BCAS3: variants seen among roughly 807,000 people sequenced by gnomAD.
BCAS3 encodes the protein BCAS4/BCAS3 fusion.
Under a neutral mutation model 116.1 loss-of-function variants are expected in BCAS3, and 53 were observed. The ratio of observed to expected loss-of-function variants is 0.46; its 90% CI spans 0.37 to 0.57. The LOEUF (loss-of-function observed/expected upper bound fraction) is 0.57, where lower values mean the gene tolerates loss of function less well. Among genes scored for constraint, BCAS3 ranks in the 20% least tolerant of loss-of-function variants. The pLI is 0.00. For missense variants in BCAS3, 917 were observed against 1,165.4 expected (o/e 0.79, Z 3.10); for synonymous variants, 391 against 408.2 (o/e 0.96, Z 0.51).
chr17:60,937,210 T>A (rs1430101394), intron 13 of BCAS3, among the ~76,000 whole-genome samples: 1 of 152,112 alleles, frequency 6.6e-6, no homozygotes, highest in East Asian at 1.9e-4. Flanking sequence ...GACCTCTTTT[T>A]TTTACCCCTC....
chr17:61,006,647 T>G (rs2064736676), intron 15 of BCAS3, among the ~76,000 whole-genome samples: 1 of 152,006 alleles, frequency 6.6e-6, no homozygotes, highest in East Asian at 1.9e-4. Flanking sequence ...GATGTTAGAT[T>G]ATGGAGCCTT....
In BCAS3 at chr17:60,844,141, G is replaced by GT. The variant is rs923980793; in HGVS notation, c.477-24427dup. Among the ~76,000 whole-genome samples the GT allele has an allele frequency of 9.2e-5, 14 of 151,794 alleles. No individual in the cohort carries two copies. In the East Asian group the frequency reaches 1.4e-3, roughly 15 times the overall value. ...TGCGCCACCACACCCAGCTAATTTT[G>GT]TTTTTTTTAGTAGAGATGGGGTTTC... On this transcript the variant is annotated intron_variant, in intron 7 of 23. Coordinates refer to ENST00000407086, the MANE Select transcript of BCAS3 (RefSeq NM_017679.5).
intron 10 of BCAS3, among the ~76,000 whole-genome samples, chr17:60,900,918 T>A (rs1356045969): frequency 6.6e-6 from 1 of 151,906 alleles, no homozygotes; most frequent in Non-Finnish European, 1.5e-5. Context: ...ATTTGAAAGG[T>A]AAGAATAGGG....
chr17:61,214,200 A>T lies in BCAS3; in HGVS notation c.2425+129636A>T, dbSNP rs778089370. 6.6e-6 allele frequency among the ~76,000 whole-genome samples: 1 copy of T among 151,964 alleles called. No homozygotes were observed. The highest frequency in any genetic ancestry group is 1.5e-5 in the Non-Finnish European group (1 of 67,982). ...TCCAACATGGCGAAACCCCATCTCT[A>T]TTAAAAAATACAAAAATTAGCCAGG... On this transcript the variant is annotated intron_variant, in intron 22 of 23. Transcript: ENST00000407086. The surrounding 1 kb of genome is among the most constrained non-coding windows in gnomAD (Gnocchi z 4.4).
chr17:60,980,939 T>G (rs1485022947), intron 14 of BCAS3, among the ~76,000 whole-genome samples: 2 of 151,986 alleles, frequency 1.3e-5, no homozygotes, highest in East Asian at 3.9e-4. Flanking sequence ...GCTGAAGCGA[T>G]TCTCCCACCC....
chr17:61,073,814 G>A lies in BCAS3; in HGVS notation c.2030-1106G>A, dbSNP rs2071668824. On this transcript the variant is annotated intron_variant, in intron 19 of 23. Coordinates refer to ENST00000407086, the MANE Select transcript of BCAS3 (RefSeq NM_017679.5). The surrounding 1 kb of genome is among the most constrained non-coding windows in gnomAD (Gnocchi z 4.6). ...GTACTTCATTGCTTGATTTCTCTGA[G>A]TATTAAAATGGTAGGCCAGGCGTGG... is the stretch of plus-strand genomic sequence containing the variant. 6.6e-6 allele frequency among the ~76,000 whole-genome samples: 1 copy of A among 151,712 alleles called. No individual in the cohort carries two copies. Among genetic ancestry groups the A allele is most frequent in the South Asian group, 2.1e-4 (1 of 4,804 alleles).
chr17:61,208,799 C>T lies in BCAS3; in HGVS notation c.2425+124235C>T, dbSNP rs1354593508. Among the ~76,000 whole-genome samples, 1 of 151,240 alleles carries T rather than the reference C, an allele frequency of 6.6e-6. No homozygotes were observed. Among genetic ancestry groups the T allele is most frequent in the Non-Finnish European group, 1.5e-5 (1 of 67,972 alleles). On this transcript the variant is annotated intron_variant, in intron 22 of 23. Coordinates refer to ENST00000407086, the MANE Select transcript of BCAS3 (RefSeq NM_017679.5). The surrounding 1 kb of genome is among the most constrained non-coding windows in gnomAD (Gnocchi z 4.5). ...GAGCCCTTGTCAGCTCGCTGGTGCT[C>T]TCTGCAAACTTGCAGTGCAAGTCTA...
At chr17:60,895,815 A>G (rs2057470956) in intron 10 of BCAS3, among the ~76,000 whole-genome samples, 1 of 152,216 alleles carries the variant, frequency 6.6e-6, no homozygotes, top group Non-Finnish European at 1.5e-5. Flanking sequence ...TGATTTCCAT[A>G]TGTAAAGTTT....
intron 15 of BCAS3, among the ~76,000 whole-genome samples, chr17:61,000,427 A>G (rs949313207): frequency 2.0e-5 from 3 of 152,144 alleles, no homozygotes; most frequent in African/African-American, 7.2e-5. Flanking sequence ...GTAATCTTAG[A>G]CAAATTATTT....
intron 6 of BCAS3, among the ~76,000 whole-genome samples, chr17:60,773,366 G>A (rs775187784): frequency 3.6e-5 from 5 of 138,454 alleles, no homozygotes; most frequent in Non-Finnish European, 7.5e-5. Flanking sequence ...ATCATGGCTC[G>A]CTGCAGCCTT....
Position 61,251,202 on chromosome 17 carries a change from T to C in BCAS3, c.2426-117125T>C, listed in dbSNP as rs1193383249. Reference sequence around the variant, plus strand: ...AGCCTGGTGTCCCAGACAGTATTTGTCAGGCTGATGATAAGCTGGTGGAGA... The same window carrying C: ...AGCCTGGTGTCCCAGACAGTATTTGCCAGGCTGATGATAAGCTGGTGGAGA... On this transcript the variant is annotated intron_variant, in intron 22 of 23. Transcript: ENST00000407086. This position sits in a 1 kb window ranked among gnomAD's most constrained non-coding sequence, Gnocchi z 4.7. Among the ~76,000 whole-genome samples the C allele has an allele frequency of 2.6e-5, 4 of 152,202 alleles. No individual in the cohort carries two copies. The highest frequency in any genetic ancestry group is 5.9e-5 in the Non-Finnish European group (4 of 68,032).
In BCAS3 at chr17:61,017,722, G is replaced by C. The variant is rs562343957; in HGVS notation, c.1637+1821G>C. Among the ~76,000 whole-genome samples, 26 of 152,234 alleles carry C rather than the reference G, an allele frequency of 1.7e-4. No homozygotes were observed. The highest frequency in any genetic ancestry group is 5.8e-4 in the African/African-American group (24 of 41,550). On this transcript the variant is annotated intron_variant, in intron 16 of 23. Transcript: ENST00000407086. The surrounding 1 kb of genome is among the most constrained non-coding windows in gnomAD (Gnocchi z 4.7). Reference sequence around the variant, plus strand: ...TTAGAATTTAATTCATAATATTTATGGTGAGGGGTAGGAAGTGAGTCTGCT... The same window carrying C: ...TTAGAATTTAATTCATAATATTTATCGTGAGGGGTAGGAAGTGAGTCTGCT...
rs1220495798 is a variant in BCAS3, at chr17:61,198,172, A to G, written c.2425+113608A>G. ...TTTTTTTTTTTTGAGACGGAGTCTC[A>G]CTCTGTCCCCCAGGCTGGAGTGCAG... On this transcript the variant is annotated intron_variant, in intron 22 of 23. Transcript: ENST00000407086. The surrounding 1 kb of genome is among the most constrained non-coding windows in gnomAD (Gnocchi z 5.0). Among the ~76,000 whole-genome samples the G allele has an allele frequency of 7.0e-6, 1 of 142,928 alleles. No homozygotes were observed. The highest frequency in any genetic ancestry group is 2.6e-5 in the African/African-American group (1 of 37,948). 93.8% of individuals were successfully genotyped at this position (142,928 alleles called of 152,430 possible).
intron 22 of BCAS3, among the ~76,000 whole-genome samples, chr17:61,212,449 G>T (rs1170466299): frequency 1.3e-5 from 2 of 151,856 alleles, no homozygotes; most frequent in East Asian, 3.9e-4. Context: ...ATGTAATAAA[G>T]CATAATTCTT....
At chr17:60,707,777 A>G (rs957034250) in intron 4 of BCAS3, among the ~76,000 whole-genome samples, 2 of 151,964 alleles carry the variant, frequency 1.3e-5, no homozygotes, top group Non-Finnish European at 2.9e-5. Context: ...TTTTGCCTTT[A>G]TTCTGTTAAT....
chr17:60,986,312 A>C (rs1407804706), intron 14 of BCAS3, among the ~76,000 whole-genome samples: 1 of 152,166 alleles, frequency 6.6e-6, no homozygotes, highest in African/African-American at 2.4e-5. Flanking sequence ...GGGAGTGCAG[A>C]TATCTCTTTG....
Position 61,233,420 on chromosome 17 carries a change from C to T in BCAS3, c.2426-134907C>T, listed in dbSNP as rs976235687. Among the ~76,000 whole-genome samples the T allele has an allele frequency of 2.0e-5, 3 of 152,162 alleles. No individual in the cohort carries two copies. The highest frequency in any genetic ancestry group is 7.2e-5 in the African/African-American group (3 of 41,430). On this transcript the variant is annotated intron_variant, in intron 22 of 23. Transcript: ENST00000407086. This position sits in a 1 kb window ranked among gnomAD's most constrained non-coding sequence, Gnocchi z 4.3. ...ATCAACTAAGCTTGTATTGGTTCAT[C>T]GTCCAGATCTAAAAATGATTGTTAA...
intron 19 of BCAS3, among the ~76,000 whole-genome samples, chr17:61,049,398 CAGAA>C (rs2068631524): frequency 6.6e-6 from 1 of 151,706 alleles, no homozygotes; most frequent in Admixed American, 6.6e-5. Flanking sequence ...AAATGAAACA[CAGAA>C]AGAAAATAAC....
Position 61,104,076 on chromosome 17 carries a change from G to A in BCAS3, c.2425+19512G>A, listed in dbSNP as rs796565955. Among the ~76,000 whole-genome samples, 11 of 152,178 alleles carry A rather than the reference G, an allele frequency of 7.2e-5. No individual in the cohort carries two copies. Among genetic ancestry groups the A allele is most frequent in the African/African-American group, 2.2e-4 (9 of 41,506 alleles). ...ACAGTGTGGATTTTTCTTATGATACGTTGGAATAAAAGAAAAAACTTTTCT... is the reference window on the plus strand; with the variant it reads ...ACAGTGTGGATTTTTCTTATGATACATTGGAATAAAAGAAAAAACTTTTCT... On this transcript the variant is annotated intron_variant, in intron 22 of 23. Coordinates refer to ENST00000407086, the MANE Select transcript of BCAS3 (RefSeq NM_017679.5). The surrounding 1 kb of genome is among the most constrained non-coding windows in gnomAD (Gnocchi z 4.1).
Sources: gnomAD v4.1 joint callset for allele counts (sites outside exome capture counted in the v4.1 genomes callset) on GRCh38, gnomAD v4.1.1 for gene constraint, Gnocchi (gnomAD v3.1) non-coding constraint, MANE v1.5 for transcripts, NCBI Gene and HGNC (gene_info 2026-07-23, HGNC 2026-07-21) for gene names.